Variants in ZC3H14 observed in about 807,000 individuals in gnomAD.
ZC3H14 encodes zinc finger CCCH domain-containing protein 14.
ZC3H14 carries 31 observed loss-of-function variants against 92.4 expected under a neutral mutation model. That is an observed-to-expected ratio of 0.34 (90% confidence interval 0.25 to 0.45). The LOEUF is 0.45. Ranked by LOEUF, ZC3H14 falls within the 20% of genes least tolerant of loss-of-function variation. The pLI is 1.00. For synonymous variants in ZC3H14, 321 were observed against 300.9 expected (o/e 1.07, Z -0.69); for missense variants, 781 against 897.3 (o/e 0.87, Z 1.66).
intron 15 of ZC3H14, among the ~76,000 whole-genome samples, chr14:88,610,630 A>G (rs2086469027): frequency 9.5e-6 from 1 of 105,164 alleles, no homozygotes; most frequent in Admixed American, 1.2e-4. Context: ...GCAACATTTA[A>G]GAGACCCCAT....
intron 10 of ZC3H14, among the ~76,000 whole-genome samples, chr14:88,597,423 G>A (rs1023294547): frequency 6.6e-6 from 1 of 152,188 alleles, no homozygotes; most frequent in African/African-American, 2.4e-5. Flanking sequence ...AGGCAACCAT[G>A]AGAGACCCGG....
rs1464213306 is a variant in ZC3H14, at chr14:88,621,072, T to A, written c.*9321T>A. ...ATTTAGAACTTCCAACTTTTCTTTTTAGAAGTTGTAACCTCTTTTAAAAAA... is the reference window on the plus strand; with the variant it reads ...ATTTAGAACTTCCAACTTTTCTTTTAAGAAGTTGTAACCTCTTTTAAAAAA... On this transcript the variant is annotated 3_prime_UTR_variant, in exon 17 of 17. Coordinates refer to ENST00000251038, the MANE Select transcript of ZC3H14 (RefSeq NM_024824.5). The A allele has an allele frequency of 5.7e-6, 9 of 1,566,396 alleles. No individual in the cohort carries two copies. Among genetic ancestry groups the A allele is most frequent in the Non-Finnish European group, 7.8e-6 (9 of 1,158,000 alleles).
At position 88,611,798 on chromosome 14, in the gene ZC3H14, T is replaced by C. The variant is rs1455745188; in HGVS notation, c.*47T>C. 5.6e-6 allele frequency: 9 copies of C among 1,613,346 alleles called. No individual in the cohort carries two copies. Among genetic ancestry groups the C allele is most frequent in the Non-Finnish European group, 6.8e-6 (8 of 1,179,570 alleles). ...AGATCATGCAGTTTGGAAGTTTTCA[T>C]GTACTGATGAAAGATACTCTACAGA... On this transcript the variant is annotated 3_prime_UTR_variant, in exon 17 of 17. Coordinates refer to ENST00000251038, the MANE Select transcript of ZC3H14 (RefSeq NM_024824.5).
In ZC3H14 at chr14:88,622,906, A is replaced by C. The variant is rs960891250; in HGVS notation, c.*11155A>C. 4.7e-6 allele frequency: 2 copies of C among 428,398 alleles called. No homozygotes were observed. Among genetic ancestry groups the C allele is most frequent in the African/African-American group, 4.1e-5 (2 of 49,128 alleles). The allele number at this position is 428,398 out of a possible 1,614,324, so 26.5% of individuals were successfully genotyped here. A position where few individuals can be genotyped will look rare whatever the true frequency, so the allele number is the denominator to read the frequency against. On this transcript the variant is annotated 3_prime_UTR_variant, in exon 17 of 17. Coordinates refer to ENST00000251038, the MANE Select transcript of ZC3H14 (RefSeq NM_024824.5). ...ATATACTATATCTCAGTCAAAATAA[A>C]CATCCAGTTTCAGTGAATTTTATTT...
intron 2 of ZC3H14, among the ~76,000 whole-genome samples, chr14:88,564,509 A>C (rs1337215452): frequency 6.6e-6 from 1 of 152,220 alleles, no homozygotes; most frequent in African/African-American, 2.4e-5. Flanking sequence ...CACTAATGAC[A>C]GTGGTTCTCA....
chr14:88,586,175 ATAAG>A (rs1223214068), intron 9 of ZC3H14, among the ~76,000 whole-genome samples: 2 of 152,250 alleles, frequency 1.3e-5, no homozygotes, highest in African/African-American at 4.8e-5. Flanking sequence ...ATCAAAAAAA[ATAAG>A]TAAAATAAAA....
At chr14:88,567,407 G>A (rs566574657) in intron 2 of ZC3H14, among the ~76,000 whole-genome samples, 2 of 149,324 alleles carry the variant, frequency 1.3e-5, no homozygotes, top group South Asian at 2.1e-4. Context: ...GAGCCACCGC[G>A]CCTGGCCTTT....
intron 8 of ZC3H14, among the ~76,000 whole-genome samples, chr14:88,576,890 A>C (rs1318167213): frequency 6.6e-6 from 1 of 152,078 alleles, no homozygotes. Flanking sequence ...TCCTGGGTCC[A>C]AGCGATTCTC....
rs1324792253 is a variant in ZC3H14 at position 88,570,762 on chromosome 14, C to CT, written c.195-316dup. On this transcript the variant is annotated intron_variant, in intron 3 of 16. Coordinates refer to ENST00000251038, the MANE Select transcript of ZC3H14 (RefSeq NM_024824.5). ...ACTTCTGTAGGATTTATACAAAGCC[C>CT]TTTTTTAAAAATGTGAAGTTTGAAA... is the stretch of plus-strand genomic sequence containing the variant. Among the ~76,000 whole-genome samples, 6 of 152,126 alleles carry CT rather than the reference C, an allele frequency of 3.9e-5. No individual in the cohort carries two copies. In the East Asian group the frequency reaches 1.2e-3, roughly 29 times the overall value.
chr14:88,579,532 G>C (rs968128419), intron 9 of ZC3H14, among the ~76,000 whole-genome samples: 1 of 152,208 alleles, frequency 6.6e-6, no homozygotes, highest in African/African-American at 2.4e-5. Context: ...GACTCTACGT[G>C]AGAGTCTTGG....
intron 4 of ZC3H14, among the ~76,000 whole-genome samples, chr14:88,571,327 G>A (rs190057966): frequency 4.5e-4 from 68 of 152,178 alleles, no homozygotes; most frequent in African/African-American, 1.6e-3. Flanking sequence ...AGAGGGAGCA[G>A]TGCACTTTAT....
At chr14:88,609,142 T>C in intron 13 of ZC3H14, 125 bp from the exon 14 acceptor site, 2 of 1,132,710 alleles carry the variant, frequency 1.8e-6, no homozygotes, top group Non-Finnish European at 2.6e-6. Context: ...ATATTCTTTT[T>C]GTTGCTGTTT....
At chr14:88,592,807 C>A (rs1595705854) in intron 9 of ZC3H14, among the ~76,000 whole-genome samples, 2 of 151,912 alleles carry the variant, frequency 1.3e-5, no homozygotes, top group Non-Finnish European at 2.9e-5. Context: ...GGCCAGGATT[C>A]TTCTTTTAAG....
At chr14:88,598,737 G>T (rs1436568357) in intron 10 of ZC3H14, among the ~76,000 whole-genome samples, 1 of 152,238 alleles carries the variant, frequency 6.6e-6, no homozygotes, top group Non-Finnish European at 1.5e-5. Flanking sequence ...CACATCACCA[G>T]TCATCCCAGG....
At position 88,572,984 on chromosome 14, in the gene ZC3H14, A is replaced by C. The variant is rs776174742; in HGVS notation, c.838A>C (p.Asn280His). 7 of 1,613,994 alleles carry C rather than the reference A, an allele frequency of 4.3e-6. No individual in the cohort carries two copies. Among genetic ancestry groups the C allele is most frequent in the Non-Finnish European group, 8.5e-7 (1 of 1,180,042 alleles). Residue 280 changes from asparagine (N) to histidine (H), a missense_variant, in exon 6 of 17, where the codon AAC (asparagine) becomes CAC (histidine). Asn to His is a moderately conservative substitution (Grantham distance 68, BLOSUM62 1). Coordinates refer to ENST00000251038, the MANE Select transcript of ZC3H14 (RefSeq NM_024824.5). ...AACGTATAGTCCGTTCTTTAGAAACAACTCGGAGAAAATGAGTATGGAGGT... is the reference window on the plus strand; with the variant it reads ...AACGTATAGTCCGTTCTTTAGAAACCACTCGGAGAAAATGAGTATGGAGGT... ...EETYSPFFRN[N>H]SEKMSMEDEN...
chr14:88,594,660 A>G (rs2139962029), intron 9 of ZC3H14: 1 of 1,611,016 alleles, frequency 6.2e-7, no homozygotes, highest in South Asian at 1.1e-5. Flanking sequence ...TGAGCTGTGA[A>G]GAAAAAATTA....
chr14:88,566,063 G>A (rs1471668543), intron 2 of ZC3H14, among the ~76,000 whole-genome samples: 3 of 84,384 alleles, frequency 3.6e-5, no homozygotes, highest in Admixed American at 1.7e-4. Context: ...TGTTTTTAGT[G>A]GAGACGGTGT....
chr14:88,585,031 A>G (rs990691060), intron 9 of ZC3H14, among the ~76,000 whole-genome samples: 2 of 152,226 alleles, frequency 1.3e-5, no homozygotes, highest in Admixed American at 1.3e-4. Context: ...ATGTTTGGGA[A>G]GTCAAAAGTT....
chr14:88,599,722 A>G (rs949651346), intron 10 of ZC3H14, among the ~76,000 whole-genome samples: 1 of 151,990 alleles, frequency 6.6e-6, no homozygotes, highest in Non-Finnish European at 1.5e-5. Context: ...GCTCTCTCCC[A>G]CCTTCAGCAT....
Sources: gnomAD v4.1 joint callset for allele counts (sites outside exome capture counted in the v4.1 genomes callset) on GRCh38, gnomAD v4.1.1 for gene constraint, MANE v1.5 for transcripts, NCBI Gene and HGNC (gene_info 2026-07-23, HGNC 2026-07-21) for gene names.